MYO3B: variants seen among roughly 807,000 people sequenced by gnomAD.
MYO3B encodes myosin-IIIb.
A neutral mutation model predicts 174.6 loss-of-function variants in MYO3B; 156 were observed. The ratio of observed to expected loss-of-function variants is 0.89; its 90% confidence interval spans 0.78 to 1.02. The LOEUF is 1.02. Among genes scored for constraint, MYO3B ranks in the 50% least tolerant of loss-of-function variants. MYO3B has a pLI of 0.00. For synonymous variants in MYO3B, 563 were observed against 569.1 expected (o/e 0.99, Z 0.15); for missense variants, 1,632 against 1,639.4 (o/e 1.00, Z 0.08).
intron 1 of MYO3B, among the ~76,000 whole-genome samples, chr2:170,179,242 A>C (rs1372076887): frequency 6.6e-6 from 1 of 152,240 alleles, no homozygotes; most frequent in Non-Finnish European, 1.5e-5. Flanking sequence ...AAGAGTACAT[A>C]ATCAGTGGAA....
intron 7 of MYO3B, among the ~76,000 whole-genome samples, chr2:170,292,730 G>T (rs2093604163): frequency 6.6e-6 from 1 of 152,104 alleles, no homozygotes; most frequent in African/African-American, 2.4e-5. Context: ...CTGGGTAGGG[G>T]TTCATGTTCA....
At chr2:170,498,236 A>G (rs889125593) in intron 25 of MYO3B, among the ~76,000 whole-genome samples, 30 of 152,320 alleles carry the variant, frequency 2.0e-4, no homozygotes, top group African/African-American at 7.2e-4. Context: ...TTTATTTTTT[A>G]TAGTAGTAAT....
rs533480841 is a variant in MYO3B, at chr2:170,628,699, A to G, written c.3734-22929A>G. On this transcript the variant is annotated intron_variant, in intron 32 of 34. Coordinates refer to ENST00000408978, the MANE Select transcript of MYO3B (RefSeq NM_138995.5). ...CTGTCCTCTTATATTCTTATAAATCAAACTCTGATATTACAAAACCTACAG... is the reference window on the plus strand; with the variant it reads ...CTGTCCTCTTATATTCTTATAAATCGAACTCTGATATTACAAAACCTACAG... Among the ~76,000 whole-genome samples, 3 of 151,934 alleles carry G rather than the reference A, an allele frequency of 2.0e-5. No homozygotes were observed. In the East Asian group the frequency reaches 5.8e-4, roughly 29 times the overall value.
intron 9 of MYO3B, among the ~76,000 whole-genome samples, chr2:170,369,688 T>A (rs1437010308): frequency 1.4e-4 from 1 of 7,126 alleles, no homozygotes; most frequent in Non-Finnish European, 5.7e-4. Context: ...AATTTGGATT[T>A]TTTTTTTTTT....
chr2:170,178,675 T>C (rs1317892341), intron 1 of MYO3B, among the ~76,000 whole-genome samples: 1 of 152,210 alleles, frequency 6.6e-6, no homozygotes, highest in Non-Finnish European at 1.5e-5. Flanking sequence ...GCACAGAATT[T>C]CTCAGCTTGA....
chr2:170,469,327 C>G (rs1191125849), intron 25 of MYO3B, among the ~76,000 whole-genome samples: 1 of 152,180 alleles, frequency 6.6e-6, no homozygotes. Context: ...AGCCCACATT[C>G]TAAAGATTTT....
chr2:170,613,682 G>T (rs1167920201), intron 32 of MYO3B, among the ~76,000 whole-genome samples: 2 of 152,214 alleles, frequency 1.3e-5, no homozygotes, highest in Non-Finnish European at 2.9e-5. Flanking sequence ...GGCTGGGAAA[G>T]GCAGACCCAC....
intron 16 of MYO3B, among the ~76,000 whole-genome samples, chr2:170,396,573 G>A (rs1198590955): frequency 1.3e-5 from 2 of 152,118 alleles, no homozygotes; most frequent in South Asian, 2.1e-4. Context: ...AGACCCAATC[G>A]GTCATTAATT....
chr2:170,481,019 C>T (rs2106011091), intron 25 of MYO3B, among the ~76,000 whole-genome samples: 1 of 152,328 alleles, frequency 6.6e-6, no homozygotes, highest in Non-Finnish European at 1.5e-5. Context: ...AGTGCCTACT[C>T]ACAGGATAGC....
intron 8 of MYO3B, among the ~76,000 whole-genome samples, chr2:170,339,886 C>G (rs1472782918): frequency 6.6e-6 from 1 of 152,126 alleles, no homozygotes; most frequent in Non-Finnish European, 1.5e-5. Flanking sequence ...TAGGACCCTG[C>G]TTGATGTGTT....
intron 7 of MYO3B, among the ~76,000 whole-genome samples, chr2:170,275,735 A>T (rs2093459860): frequency 6.6e-6 from 1 of 152,170 alleles, no homozygotes; most frequent in South Asian, 2.1e-4. Context: ...AAAAACCAGT[A>T]AAATCTGTGC....
In MYO3B at chr2:170,383,779, G is replaced by A; in HGVS notation, c.1255G>A (p.Ala419Thr). ...CCACATATTTGCATCAGCAGATGCTGCTTACCAGTGCATGGTTACTCTCAG... is the reference window on the plus strand; with the variant it reads ...CCACATATTTGCATCAGCAGATGCTACTTACCAGTGCATGGTTACTCTCAG... ...PPHIFASADA[A>T]YQCMVTLSKD... is the part of the protein sequence containing the mutation. Residue 419 changes from alanine to threonine, a missense_variant, in exon 12 of 35, where the codon GCT (alanine) becomes ACT (threonine). Physicochemically the swap from Ala to Thr is moderately conservative, Grantham distance 58. Transcript: ENST00000408978. The A allele has an allele frequency of 6.2e-7, 1 of 1,613,738 alleles. No homozygotes were observed. Among genetic ancestry groups the A allele is most frequent in the Non-Finnish European group, 8.5e-7 (1 of 1,179,696 alleles).
chr2:170,631,344 T>C (rs1696955961), intron 32 of MYO3B, among the ~76,000 whole-genome samples: 1 of 151,496 alleles, frequency 6.6e-6, no homozygotes, highest in African/African-American at 2.4e-5. Flanking sequence ...AAGAGAAGTT[T>C]AGAGAAAAAA....
rs150132243 is a variant in MYO3B, at chr2:170,453,274, G to T, written c.2730+9228G>T. Among the ~76,000 whole-genome samples the T allele has an allele frequency of 4.3e-3, 657 of 152,156 alleles. 4 individuals carry two copies. The highest frequency in any genetic ancestry group is 0.015 in the African/African-American group (641 of 41,514). ...CCACGTTCTATCCTGTGGCACTGCC[G>T]CTCCATTACAGAAAGACAAATTCTT... On this transcript the variant is annotated intron_variant, in intron 23 of 34. Transcript: ENST00000408978.
At chr2:170,352,155 GTTGGCCAGAC>G (rs2094077881) in intron 8 of MYO3B, among the ~76,000 whole-genome samples, 1 of 152,138 alleles carries the variant, frequency 6.6e-6, no homozygotes, top group Non-Finnish European at 1.5e-5. Flanking sequence ...GTTTCACCGT[GTTGGCCAGAC>G]TGGTCTCGAA....
chr2:170,627,395 G>A (rs1044776616), intron 32 of MYO3B, among the ~76,000 whole-genome samples: 1 of 152,134 alleles, frequency 6.6e-6, no homozygotes, highest in African/African-American at 2.4e-5. Context: ...ATGGTTTTCA[G>A]CTCCATCAGG....
chr2:170,344,484 C>A (rs1225347297), intron 8 of MYO3B: 1 of 25,148 alleles, frequency 4.0e-5, no homozygotes, highest in African/African-American at 2.8e-4. Flanking sequence ...GGGTGGGGGG[C>A]GGGGCGGGGC....
chr2:170,207,322 A>G (rs1327983478), intron 3 of MYO3B, among the ~76,000 whole-genome samples: 1 of 152,184 alleles, frequency 6.6e-6, no homozygotes, highest in East Asian at 1.9e-4. Flanking sequence ...CTCCAGTTGC[A>G]TGACCATTTG....
At chr2:170,329,491 C>T (rs2093896278) in intron 7 of MYO3B, among the ~76,000 whole-genome samples, 1 of 151,404 alleles carries the variant, frequency 6.6e-6, no homozygotes, top group Non-Finnish European at 1.5e-5. Context: ...AGTGATTCTT[C>T]TGCCTCAGCT....
Sources: gnomAD v4.1 joint callset for allele counts (sites outside exome capture counted in the v4.1 genomes callset) on GRCh38, gnomAD v4.1.1 for gene constraint, MANE v1.5 for transcripts, NCBI Gene and HGNC (gene_info 2026-07-23, HGNC 2026-07-21) for gene names.